NRXN2: variants seen among roughly 807,000 people sequenced by gnomAD.
NRXN2 encodes neurexin 2.
In NRXN2, 29 loss-of-function variants were observed where a neutral mutation model predicts 128.8. The observed-to-expected ratio is 0.23, with a 90% CI of 0.17 to 0.31. The LOEUF is 0.31. Among genes scored for constraint, NRXN2 ranks in the 10% least tolerant of loss-of-function variants. NRXN2 has a pLI of 1.00. For missense variants in NRXN2, 1,881 were observed against 2,452.6 expected (o/e 0.77, Z 4.92); for synonymous variants, 1,098 against 1,075.2 (o/e 1.02, Z -0.41).
chr11:64,630,148 G>A lies in NRXN2; in HGVS notation c.3757+254C>T, dbSNP rs2043663177. On this transcript the variant is annotated intron_variant, in intron 19 of 22. Transcript: ENST00000265459. The surrounding 1 kb of genome is among the most constrained non-coding windows in gnomAD (Gnocchi z 4.6). ...CTGGCCTTGCAACCTTCCCAGCTCAGCCCTGCACCCTCCCCCATAGGGGGC... is the reference window on the plus strand; with the variant it reads ...CTGGCCTTGCAACCTTCCCAGCTCAACCCTGCACCCTCCCCCATAGGGGGC... Among the ~76,000 whole-genome samples, 1 of 140,488 alleles carries A rather than the reference G, an allele frequency of 7.1e-6. No homozygotes were observed. The highest frequency in any genetic ancestry group is 2.7e-5 in the African/African-American group (1 of 36,910). 92.2% of individuals were successfully genotyped at this position (140,488 alleles called of 152,430 possible).
intron 5 of NRXN2, 142 bp downstream of exon 5, chr11:64,690,263 G>A (rs528196101): frequency 1.6e-5 from 12 of 735,850 alleles, no homozygotes; most frequent in Middle Eastern, 2.8e-4. Flanking sequence ...AATGGCACTC[G>A]GGGAGCAGAC....
chr11:64,680,416 A>G lies in NRXN2; in HGVS notation c.1153-3379T>C, dbSNP rs960138616. ...TGAAATGGCTTCAAAATTTGAGAAC[A>G]TCCAAGAACGACAGAAGCACAGGAC... On this transcript the variant is annotated intron_variant, in intron 6 of 22. Transcript: ENST00000265459. Among the ~76,000 whole-genome samples, 18 of 152,198 alleles carry G rather than the reference A, an allele frequency of 1.2e-4. 1 individual carries two copies. The highest frequency in any genetic ancestry group is 4.3e-4 in the African/African-American group (18 of 41,452).
Position 64,650,512 on chromosome 11 carries a change from C to A in NRXN2, c.3045G>T (p.Thr1015=). 1 of 1,614,186 alleles carries A rather than the reference C, an allele frequency of 6.2e-7. No homozygotes were observed. Among genetic ancestry groups the A allele is most frequent in the Non-Finnish European group, 8.5e-7 (1 of 1,180,042 alleles). The change falls in exon 15 of 23, where the codon ACG becomes ACT. Residue 1015 remains threonine (T), a synonymous_variant. Transcript: ENST00000265459. The part of the protein sequence containing the change: ...VVSRDPGNVH[T]LKIDSRTVTQ... ...TGACAGTGCGGGAGTCAATCTTGAG[C>A]GTGTGCACGTTGCCTGGGTCCCTGG...
At chr11:64,690,176 C>T (rs1421522403) in intron 5 of NRXN2, among the ~76,000 whole-genome samples, 1 of 152,232 alleles carries the variant, frequency 6.6e-6, no homozygotes, top group East Asian at 1.9e-4. Flanking sequence ...AGAAAGAAGT[C>T]ATCAGAACAA....
chr11:64,688,480 G>A, intron 5 of NRXN2: 1 of 985,442 alleles, frequency 1.0e-6, no homozygotes, highest in Non-Finnish European at 1.2e-6. Context: ...GGGACTGGTG[G>A]AGGGATTCTA....
chr11:64,669,864 CTG>C (rs1333690457), intron 7 of NRXN2, among the ~76,000 whole-genome samples: 1 of 152,196 alleles, frequency 6.6e-6, no homozygotes, highest in African/African-American at 2.4e-5. Context: ...TAGCCCAACA[CTG>C]TGCTTCTGCA....
At chr11:64,652,835 G>T (rs1404903550) in intron 12 of NRXN2, among the ~76,000 whole-genome samples, 1 of 152,092 alleles carries the variant, frequency 6.6e-6, no homozygotes, top group Non-Finnish European at 1.5e-5. Flanking sequence ...ATTTACTCAA[G>T]ACCAGGATTA....
chr11:64,611,794 C>G (rs1016305861), intron 22 of NRXN2, among the ~76,000 whole-genome samples: 3 of 152,166 alleles, frequency 2.0e-5, no homozygotes, highest in Non-Finnish European at 2.9e-5. Context: ...TATCTGGGTC[C>G]CAGCCCTGTC....
At position 64,607,306 on chromosome 11, in the gene NRXN2, T is replaced by G; in HGVS notation, c.5029A>C (p.Ile1677Leu). ...CCATTGCTCTGGGCCGAGTTACTGATGTAGTTTCGGCTCTGGTCCACCTGG... is the reference window on the plus strand; with the variant it reads ...CCATTGCTCTGGGCCGAGTTACTGAGGTAGTTTCGGCTCTGGTCCACCTGG... ...SYQVDQSRNYISNSAQSNGAV... is the reference protein window; with the variant it reads ...SYQVDQSRNYLSNSAQSNGAV... Residue 1677 changes from isoleucine to leucine, a missense_variant, in exon 23 of 23, where the codon ATC (isoleucine) becomes CTC (leucine). Physicochemically the swap from Ile to Leu is conservative, Grantham distance 5. Transcript: ENST00000265459. 6.2e-7 allele frequency: 1 copy of G among 1,613,944 alleles called. No individual in the cohort carries two copies. The highest frequency in any genetic ancestry group is 8.5e-7 in the Non-Finnish European group (1 of 1,179,942).
chr11:64,692,921 A>G, intron 3 of NRXN2, 45 bp from the exon 4 acceptor site: 1 of 1,509,108 alleles, frequency 6.6e-7, no homozygotes, highest in East Asian at 2.3e-5. Context: ...AAAAAGAAGA[A>G]GAAAAAAGAA....
intron 17 of NRXN2, chr11:64,642,425 G>C: frequency 7.1e-7 from 1 of 1,400,136 alleles, no homozygotes; most frequent in African/African-American, 1.5e-5. Context: ...AAGCAGAGGG[G>C]CCAGGCTCGG....
rs780002015 is a variant in NRXN2, at chr11:64,667,716, A to G, written c.1360-28T>C. ...GCAGGGAGGGGTGGGGTCAGGGATA[A>G]AGAATCCGAAAGCAGCTTAGGGCCT... On this transcript the variant is annotated intron_variant, in intron 8 of 22. Coordinates refer to ENST00000265459, the MANE Select transcript of NRXN2 (RefSeq NM_015080.4). This position sits in a 1 kb window ranked among gnomAD's most constrained non-coding sequence, Gnocchi z 5.6. 5.6e-6 allele frequency: 9 copies of G among 1,610,760 alleles called. No individual in the cohort carries two copies.
intron 22 of NRXN2, among the ~76,000 whole-genome samples, chr11:64,611,571 C>T (rs981077988): frequency 4.6e-5 from 7 of 152,178 alleles, no homozygotes; most frequent in African/African-American, 1.4e-4. Context: ...CTGCTGTCCC[C>T]AGCCAGGCTA....
intron 1 of NRXN2, among the ~76,000 whole-genome samples, chr11:64,717,861 T>C (rs1565488253): frequency 6.6e-6 from 1 of 152,194 alleles, no homozygotes; most frequent in Non-Finnish European, 1.5e-5. Context: ...CCAAGGCATT[T>C]CTTTTCCCCT....
At position 64,630,594 on chromosome 11, in the gene NRXN2, G is replaced by T; in HGVS notation, c.3586-21C>A. 2 of 1,613,572 alleles carry T rather than the reference G, an allele frequency of 1.2e-6. No homozygotes were observed. The highest frequency in any genetic ancestry group is 2.2e-5 in the South Asian group (2 of 91,084). On this transcript the variant is annotated intron_variant, in intron 18 of 22. Coordinates refer to ENST00000265459, the MANE Select transcript of NRXN2 (RefSeq NM_015080.4). The surrounding 1 kb of genome is among the most constrained non-coding windows in gnomAD (Gnocchi z 4.6). ...TGGTCCTGGGGACATGGAGGTGGAGGTCAGCGACCAGAGGGAGCAACCATT... is the reference window on the plus strand; with the variant it reads ...TGGTCCTGGGGACATGGAGGTGGAGTTCAGCGACCAGAGGGAGCAACCATT...
intron 5 of NRXN2, chr11:64,688,822 A>T (rs1014185939): frequency 1.7e-5 from 17 of 985,304 alleles, no homozygotes; most frequent in Non-Finnish European, 1.9e-5. Flanking sequence ...CCTTCTTTCC[A>T]GGCCCAGCTC....
intron 6 of NRXN2, among the ~76,000 whole-genome samples, chr11:64,678,431 C>T (rs991328575): frequency 6.6e-6 from 1 of 152,248 alleles, no homozygotes; most frequent in Middle Eastern, 3.4e-3. Flanking sequence ...ATTGGTAAGG[C>T]CATCCCAGCA....
In NRXN2 at chr11:64,655,212, G is replaced by A. The variant is rs528457475; in HGVS notation, c.2390-1490C>T. The stretch of plus-strand genomic sequence containing the variant: ...GGCAGTACAGCTGAGCTCCACACGC[G>A]TTGTCAACCGCAGCAGAAGAGTGGA... On this transcript the variant is annotated intron_variant, in intron 11 of 22. Coordinates refer to ENST00000265459, the MANE Select transcript of NRXN2 (RefSeq NM_015080.4). Among the ~76,000 whole-genome samples the A allele has an allele frequency of 5.9e-5, 9 of 152,316 alleles. No individual in the cohort carries two copies. In the South Asian group the frequency reaches 1.0e-3, roughly 18 times the overall value.
At chr11:64,708,687 C>G (rs1278121956) in intron 2 of NRXN2, among the ~76,000 whole-genome samples, 1 of 152,220 alleles carries the variant, frequency 6.6e-6, no homozygotes. Flanking sequence ...CGTATGCACA[C>G]CAAACATCTG....
Sources: allele counts gnomAD v4.1 joint callset (sites outside exome capture counted in the v4.1 genomes callset), GRCh38; gene constraint gnomAD v4.1.1; non-coding constraint Gnocchi (gnomAD v3.1); transcripts MANE v1.5; gene names NCBI Gene and HGNC (gene_info 2026-07-23, HGNC 2026-07-21).